Variants in NTM observed in about 807,000 individuals in gnomAD.
NTM encodes the protein neurotrimin.
NTM carries 13 observed loss-of-function variants against 42.1 expected under a neutral mutation model. The ratio of observed to expected loss-of-function variants is 0.31; its 90% CI spans 0.20 to 0.49. The LOEUF (loss-of-function observed/expected upper bound fraction) is 0.49. Ranked by LOEUF, NTM falls within the 20% of genes least tolerant of loss-of-function variation. The probability of loss-of-function intolerance (pLI) is 0.99; values close to 1 mark genes in which losing one functional copy is unlikely to be tolerated. For synonymous variants in NTM, 187 were observed against 179.2 expected (o/e 1.04, Z -0.35); for missense variants, 373 against 452.8 (o/e 0.82, Z 1.60).
Position 132,335,098 on chromosome 11 carries a change from C to T in NTM, c.1020C>T (p.Cys340=), listed in dbSNP as rs748769254. ...VSNGTSRRAG[C]VWLLPLLVLH... ...ACGGCACGTCGAGGAGGGCAGGCTG[C>T]GTCTGGCTGCTGCCTCTTCTGGTCT... The change falls in exon 9 of 9, where the codon TGC becomes TGT. Residue 340 remains cysteine, a synonymous_variant. Coordinates refer to ENST00000683400, the MANE Select transcript of NTM (RefSeq NM_001352005.2). The T allele has an allele frequency of 1.5e-5, 24 of 1,612,460 alleles. No homozygotes were observed. The highest frequency in any genetic ancestry group is 1.3e-4 in the East Asian group (6 of 44,854).
chr11:131,877,397 C>G (rs2048698610), intron 1 of NTM, among the ~76,000 whole-genome samples: 2 of 152,140 alleles, frequency 1.3e-5, no homozygotes, highest in African/African-American at 4.8e-5. Context: ...AGTGTGTCCA[C>G]CAGGAACCTG....
intron 1 of NTM, among the ~76,000 whole-genome samples, chr11:131,704,776 G>T (rs1487012642): frequency 6.6e-6 from 1 of 152,030 alleles, no homozygotes; most frequent in Non-Finnish European, 1.5e-5. Context: ...TCAACAAAAA[G>T]AAACCATTTT....
At chr11:131,658,067 G>A (rs374512726) in intron 1 of NTM, among the ~76,000 whole-genome samples, 3 of 152,134 alleles carry the variant, frequency 2.0e-5, no homozygotes, top group East Asian at 1.9e-4. Flanking sequence ...GGAGATAATC[G>A]TGGGACAACA....
intron 1 of NTM, among the ~76,000 whole-genome samples, chr11:131,502,399 A>C (rs1454459394): frequency 6.6e-6 from 1 of 152,168 alleles, no homozygotes; most frequent in Non-Finnish European, 1.5e-5. Context: ...CTGTTGTTGA[A>C]GACACACAGG....
At chr11:131,983,607 C>T (rs12282162) in intron 2 of NTM, among the ~76,000 whole-genome samples, 24,805 of 152,058 alleles carry the variant, frequency 0.16, 2,583 homozygotes, top group South Asian at 0.26. Flanking sequence ...AACTCCTGAC[C>T]TCAGGTAATC....
intron 1 of NTM, among the ~76,000 whole-genome samples, chr11:131,752,829 A>G (rs112880453): frequency 1.3e-5 from 2 of 152,178 alleles, no homozygotes; most frequent in East Asian, 1.9e-4. Flanking sequence ...CATAGGCATG[A>G]GCAAGGACTT....
chr11:131,660,441 C>T (rs1270590281), intron 1 of NTM: 1 of 456,722 alleles, frequency 2.2e-6, no homozygotes. Flanking sequence ...TTGAAAGAGC[C>T]CAGAAGCCAC....
At chr11:131,906,606 C>G (rs902367597) in intron 1 of NTM, among the ~76,000 whole-genome samples, 2 of 152,134 alleles carry the variant, frequency 1.3e-5, no homozygotes, top group Admixed American at 1.3e-4. Context: ...CCTTTGGGCA[C>G]CTGCCTTTCG....
At chr11:131,536,395 G>T (rs1309789994) in intron 1 of NTM, 1 of 152,198 alleles carries the variant, frequency 6.6e-6, no homozygotes, top group African/African-American at 2.4e-5. Flanking sequence ...CCTGGTTACT[G>T]GGGGACATGC....
intron 2 of NTM, among the ~76,000 whole-genome samples, chr11:132,064,543 A>G (rs557991904): frequency 1.3e-5 from 2 of 152,334 alleles, no homozygotes; most frequent in South Asian, 2.1e-4. Flanking sequence ...AGCAATGAAG[A>G]GTTAATAGTG....
chr11:132,177,238 G>T (rs1208489765), intron 3 of NTM, among the ~76,000 whole-genome samples: 1 of 152,212 alleles, frequency 6.6e-6, no homozygotes, highest in East Asian at 1.9e-4. Flanking sequence ...TTCAACATAA[G>T]AAGTTCCTTT....
intron 4 of NTM, among the ~76,000 whole-genome samples, chr11:132,281,168 C>T (rs1203539177): frequency 1.3e-5 from 2 of 152,168 alleles, no homozygotes; most frequent in Non-Finnish European, 2.9e-5. Flanking sequence ...AAAGGAATGA[C>T]CTTGGGTGTG....
In NTM at chr11:132,314,578, A is replaced by T; in HGVS notation, c.809A>T (p.Lys270Ile). ...CTGATTGAAGGAAAGAAAGGGGTGA[A>T]AGTGGAAAACAGACCTTTCCTCTCA... is the stretch of plus-strand genomic sequence containing the variant. ...KRLIEGKKGV[K>I]VENRPFLSKL... Residue 270 changes from lysine (K) to isoleucine (I), a missense_variant, in exon 7 of 9, where the codon AAA becomes ATA. Around this residue, in one of 3 missense-constraint regions of NTM, gnomAD observed 312 missense variants for 353.5 expected, o/e 0.88. Coordinates refer to ENST00000683400, the MANE Select transcript of NTM (RefSeq NM_001352005.2). 1 of 1,613,290 alleles carries T rather than the reference A, an allele frequency of 6.2e-7. No homozygotes were observed. Among genetic ancestry groups the T allele is most frequent in the Non-Finnish European group, 8.5e-7 (1 of 1,179,614 alleles).
At chr11:131,551,880 T>C (rs1432066926) in intron 1 of NTM, among the ~76,000 whole-genome samples, 1 of 152,064 alleles carries the variant, frequency 6.6e-6, no homozygotes, top group South Asian at 2.1e-4. Flanking sequence ...ACATCCCACG[T>C]CAAGGCTACC....
intron 3 of NTM, among the ~76,000 whole-genome samples, chr11:132,200,781 C>T (rs2081043028): frequency 6.6e-6 from 1 of 152,118 alleles, no homozygotes; most frequent in Non-Finnish European, 1.5e-5. Context: ...CTCCATTTGA[C>T]CTGAGTGAGG....
At chr11:131,681,859 G>C (rs1175506010) in intron 1 of NTM, among the ~76,000 whole-genome samples, 2 of 151,808 alleles carry the variant, frequency 1.3e-5, no homozygotes, top group Non-Finnish European at 2.9e-5. Flanking sequence ...CTGTGTGTGT[G>C]AGCGTGTGTG....
At chr11:131,508,047 A>T (rs1355285962) in intron 1 of NTM, among the ~76,000 whole-genome samples, 1 of 150,776 alleles carries the variant, frequency 6.6e-6, no homozygotes, top group Non-Finnish European at 1.5e-5. Context: ...GATCTAATTA[A>T]ACTAAAGAGC....
intron 2 of NTM, among the ~76,000 whole-genome samples, chr11:131,939,217 T>C (rs950789287): frequency 6.6e-6 from 1 of 151,968 alleles, no homozygotes; most frequent in African/African-American, 2.4e-5. Context: ...TGGCAGCCAA[T>C]GAGGTAGGAA....
At chr11:131,401,837 TATATATATATATATATATATATA>T (rs1565465600) in intron 1 of NTM, among the ~76,000 whole-genome samples, 1 of 98,040 alleles carries the variant, frequency 1.0e-5, no homozygotes, top group Non-Finnish European at 2.2e-5. Context: ...TATATATATA[TATATATATATATATATATATATA>T]TTTTAATTTA....
Sources: gnomAD v4.1 joint callset for allele counts (sites outside exome capture counted in the v4.1 genomes callset) on GRCh38, gnomAD v4.1.1 for gene constraint, gnomAD v4.1.1 regional missense constraint, MANE v1.5 for transcripts, NCBI Gene and HGNC (gene_info 2026-07-23, HGNC 2026-07-21) for gene names.